The following FMN1 variants were observed in gnomAD, a reference collection of about 807,000 sequenced individuals.
FMN1 encodes the protein formin-1.
A neutral mutation model predicts 132.4 loss-of-function variants in FMN1; 110 were observed. That is an observed-to-expected ratio of 0.83 (90% CI 0.71 to 0.97). FMN1 has a LOEUF of 0.97. Ranked by LOEUF, FMN1 falls within the 50% of genes least tolerant of loss-of-function variation. The probability of loss-of-function intolerance (pLI) is 0.00; values close to 1 mark genes in which losing one functional copy is unlikely to be tolerated. For synonymous variants in FMN1, 722 were observed against 651.7 expected (o/e 1.11, Z -1.64); for missense variants, 1,792 against 1,705.3 (o/e 1.05, Z -0.90).
At chr15:32,934,414 A>G (rs2061205120) in intron 9 of FMN1, among the ~76,000 whole-genome samples, 1 of 152,146 alleles carries the variant, frequency 6.6e-6, no homozygotes, top group Admixed American at 6.5e-5. Context: ...ATCTGTATAT[A>G]TACCTTTATC....
rs533656298 is a variant in FMN1 at position 33,104,559 on chromosome 15, G to C, written c.1868-15585C>G. ...GACTCACTCAGCACAACTGAAACAT[G>C]AGATGAACCTAAGATAGCGCCAGTC... On this transcript the variant is annotated intron_variant, in intron 4 of 20. Coordinates refer to ENST00000616417, the MANE Select transcript of FMN1 (RefSeq NM_001277313.2). Among the ~76,000 whole-genome samples the C allele has an allele frequency of 2.0e-5, 3 of 152,168 alleles. No individual in the cohort carries two copies. In the South Asian group the frequency reaches 6.2e-4, roughly 32 times the overall value.
intron 4 of FMN1, among the ~76,000 whole-genome samples, chr15:33,127,715 G>C (rs1408729560): frequency 6.6e-6 from 1 of 152,156 alleles, no homozygotes; most frequent in Non-Finnish European, 1.5e-5. Context: ...CTGAACCTGT[G>C]GTTTCAGGCA....
chr15:32,920,317 G>A (rs151120373), intron 10 of FMN1, among the ~76,000 whole-genome samples: 1 of 152,262 alleles, frequency 6.6e-6, no homozygotes, highest in African/African-American at 2.4e-5. Flanking sequence ...AAAACCAGCA[G>A]TAAGTAGATT....
intron 18 of FMN1, among the ~76,000 whole-genome samples, chr15:32,799,814 C>G (rs2057417650): frequency 6.6e-6 from 1 of 152,172 alleles, no homozygotes; most frequent in Non-Finnish European, 1.5e-5. Context: ...AATCTTTCCC[C>G]CTCACCCCCA....
At chr15:32,791,401 C>T (rs2057072538) in intron 19 of FMN1, among the ~76,000 whole-genome samples, 1 of 149,806 alleles carries the variant, frequency 6.7e-6, no homozygotes, top group African/African-American at 2.5e-5. Context: ...GTTGTGACAA[C>T]TTAATACATT....
chr15:32,830,765 C>T (rs58349661), intron 17 of FMN1, among the ~76,000 whole-genome samples: 30,413 of 152,012 alleles, frequency 0.2, 3,446 homozygotes, highest in East Asian at 0.51. Context: ...CCTCCCTGTC[C>T]GAGGAGACGT....
chr15:33,046,854 T>C (rs1406789745), intron 6 of FMN1, among the ~76,000 whole-genome samples: 4 of 152,346 alleles, frequency 2.6e-5, no homozygotes, highest in Admixed American at 2.0e-4. Flanking sequence ...AGTCAAGCTG[T>C]AGCCAATCTG....
chr15:32,924,161 A>G (rs537154095), intron 10 of FMN1, among the ~76,000 whole-genome samples: 24 of 152,282 alleles, frequency 1.6e-4, no homozygotes, highest in Admixed American at 2.6e-4. Context: ...AGATTCTTCT[A>G]AAGTCCCTGA....
At chr15:33,095,146 G>C (rs908187759) in intron 4 of FMN1, among the ~76,000 whole-genome samples, 4 of 152,090 alleles carry the variant, frequency 2.6e-5, no homozygotes, top group Non-Finnish European at 5.9e-5. Context: ...TCAGGAGTTT[G>C]AGACCAGCCT....
At chr15:32,862,220 A>G (rs2059286133) in intron 16 of FMN1, among the ~76,000 whole-genome samples, 1 of 151,936 alleles carries the variant, frequency 6.6e-6, no homozygotes, top group South Asian at 2.1e-4. Flanking sequence ...AATGTCCTTC[A>G]CTGTTCAACC....
At chr15:32,893,686 T>C (rs889707724) in intron 15 of FMN1, among the ~76,000 whole-genome samples, 4 of 152,234 alleles carry the variant, frequency 2.6e-5, no homozygotes, top group African/African-American at 9.6e-5. Flanking sequence ...GTGAAATGCA[T>C]TTTGCACAGT....
intron 17 of FMN1, among the ~76,000 whole-genome samples, chr15:32,806,366 T>C (rs565935731): frequency 6.6e-5 from 10 of 152,332 alleles, no homozygotes; most frequent in African/African-American, 2.4e-4. Context: ...AGAACAGCCA[T>C]AGTGACCATT....
At chr15:32,872,847 CTG>C (rs1429886603) in intron 16 of FMN1, among the ~76,000 whole-genome samples, 20 of 152,022 alleles carry the variant, frequency 1.3e-4, no homozygotes, top group African/African-American at 4.6e-4. Flanking sequence ...GTCACATTAA[CTG>C]TAATTTTCTA....
intron 4 of FMN1, among the ~76,000 whole-genome samples, chr15:33,099,668 G>A (rs144147951): frequency 1.3e-5 from 2 of 152,204 alleles, no homozygotes; most frequent in African/African-American, 2.4e-5. Context: ...TAGATTTAAG[G>A]AGCTGTGTTG....
intron 4 of FMN1, among the ~76,000 whole-genome samples, chr15:33,142,303 C>T (rs1964043007): frequency 6.6e-6 from 1 of 152,216 alleles, no homozygotes; most frequent in Admixed American, 6.5e-5. Context: ...TGTCCTTTAC[C>T]TGTAAGTGGA....
chr15:32,955,311 G>A (rs1341260430), intron 9 of FMN1, among the ~76,000 whole-genome samples: 3 of 152,130 alleles, frequency 2.0e-5, no homozygotes, highest in Non-Finnish European at 4.4e-5. Flanking sequence ...GCATGTGCAG[G>A]GGCTGTTCTG....
intron 17 of FMN1, among the ~76,000 whole-genome samples, chr15:32,815,023 A>G (rs950525278): frequency 4.6e-5 from 7 of 152,032 alleles, no homozygotes; most frequent in African/African-American, 1.2e-4. Flanking sequence ...GCTCACTGCA[A>G]GCTCCGCCTC....
intron 4 of FMN1, among the ~76,000 whole-genome samples, chr15:33,111,242 T>TA (rs951226524): frequency 2.6e-5 from 4 of 152,106 alleles, no homozygotes; most frequent in African/African-American, 9.7e-5. Context: ...TAAAAAAACT[T>TA]AAAGGATCCT....
At chr15:33,003,705 C>T (rs1191652252) in intron 7 of FMN1, among the ~76,000 whole-genome samples, 24 of 152,172 alleles carry the variant, frequency 1.6e-4, no homozygotes, top group African/African-American at 3.4e-4. Context: ...TTAAAGTTCA[C>T]ATGGAACCAA....
Sources: allele counts gnomAD v4.1 joint callset (sites outside exome capture counted in the v4.1 genomes callset), GRCh38; gene constraint gnomAD v4.1.1; transcripts MANE v1.5; gene names NCBI Gene and HGNC (gene_info 2026-07-23, HGNC 2026-07-21).